Variants in TAS2R8 observed in about 807,000 individuals in gnomAD.
The protein encoded by TAS2R8 is taste receptor type 2 member 8.
For missense variants in TAS2R8, 396 were observed against 358.1 expected, an observed-to-expected ratio of 1.11 and a Z score of -0.85; for synonymous variants, 139 against 123.9, an observed-to-expected ratio of 1.12 and a Z score of -0.81.
chr12:10,806,501 T>G lies in TAS2R8; in HGVS notation c.480A>C (p.Ala160=). 6.2e-7 allele frequency: 1 copy of G among 1,613,822 alleles called. No individual in the cohort carries two copies. Among genetic ancestry groups the G allele is most frequent in the Non-Finnish European group, 8.5e-7 (1 of 1,179,872 alleles). ...TAATGTTTCTTTTATGTTTGGCAAT[T>G]GCATGAAACCTATAATCACAACTCA... ...IVLSCDYRFH[A]IAKHKRNITE... Residue 160 remains alanine (A), a synonymous_variant, in exon 1 of 1, where the codon GCA becomes GCC. Coordinates refer to ENST00000240615, the MANE Select transcript of TAS2R8 (RefSeq NM_023918.3).
chr12:10,806,076 C>CAT, the TAS2R8 span: 1 of 1,596,486 alleles, frequency 6.3e-7, no homozygotes. Context: ...AATTTTTCTA[C>CAT]ATGTCAGCAT....
rs1186191231 is a variant in TAS2R8, at chr12:10,806,291, A to G, written c.690T>C (p.His230=). 27 of 1,613,644 alleles carry G rather than the reference A, an allele frequency of 1.7e-5. No individual in the cohort carries two copies. Among genetic ancestry groups the G allele is most frequent in the Non-Finnish European group, 2.1e-5 (25 of 1,179,872 alleles). Residue 230 remains histidine (H), a synonymous_variant, in exon 1 of 1, where the codon CAT becomes CAC. Transcript: ENST00000240615. ...AAGTCATAGTTTTAATGGCTCTCAC[A>G]TGAACTTCTGTGCTGGGGTCTCTAC... ...TGSRDPSTEV[H]VRAIKTMTSF...
At position 10,806,189 on chromosome 12, in the gene TAS2R8, C is replaced by G. The variant is rs1054292291; in HGVS notation, c.792G>C (p.Lys264Asn). 1 of 1,613,382 alleles carries G rather than the reference C, an allele frequency of 6.2e-7. No homozygotes were observed. Among genetic ancestry groups the G allele is most frequent in the Non-Finnish European group, 8.5e-7 (1 of 1,179,810 alleles). ...MTFSYLMTKY[K>N]LAVEFGEIAA... Reference sequence around the variant, plus strand: ...CAATCTCTCCAAACTCCACAGCTAACTTGTATTTTGTCATAAGATAGCTAA... The same window carrying G: ...CAATCTCTCCAAACTCCACAGCTAAGTTGTATTTTGTCATAAGATAGCTAA... Residue 264 changes from lysine (K) to asparagine (N), a missense_variant, in exon 1 of 1, where the codon AAG becomes AAC. Transcript: ENST00000240615.
Position 10,806,352 on chromosome 12 carries a change from C to A in TAS2R8, c.629G>T (p.Arg210Ile), listed in dbSNP as rs769371530. 58 of 1,613,580 alleles carry A rather than the reference C, an allele frequency of 3.6e-5. No homozygotes were observed. Among genetic ancestry groups the A allele is most frequent in the Admixed American group, 2.2e-4 (13 of 59,918 alleles). Reference sequence around the variant, plus strand: ...ATAGAGTTTTATTTGCTTGGTATGTCTCCATAAAGATCTTACTAAAAGGAA... The same window carrying A: ...ATAGAGTTTTATTTGCTTGGTATGTATCCATAAAGATCTTACTAAAAGGAA... ...SFFLLVRSLW[R>I]HTKQIKLYAT... The change falls in exon 1 of 1, where the codon AGA becomes ATA. Residue 210 changes from arginine (R) to isoleucine (I), a missense_variant. Arg to Ile is a moderately conservative substitution (Grantham distance 97). Transcript: ENST00000240615.
In TAS2R8 at chr12:10,806,093, A is replaced by T. The variant is rs746033652; in HGVS notation, c.888T>A (p.Phe296Leu). 1.2e-6 allele frequency: 2 copies of T among 1,607,480 alleles called. No homozygotes were observed. The highest frequency in any genetic ancestry group is 1.7e-6 in the Non-Finnish European group (2 of 1,178,166). ...TTTTTCTACATGTCAGCATTCTGACAAATGTCTGCCTCAGTTTATTATTTA... is the reference window on the plus strand; with the variant it reads ...TTTTTCTACATGTCAGCATTCTGACTAATGTCTGCCTCAGTTTATTATTTA... ...IVLNNKLRQT[F>L]VRMLTCRKIA... Residue 296 changes from phenylalanine to leucine, a missense_variant, in exon 1 of 1, where the codon TTT (phenylalanine) becomes TTA (leucine). Phe to Leu is a conservative substitution (Grantham distance 22). Coordinates refer to ENST00000240615, the MANE Select transcript of TAS2R8 (RefSeq NM_023918.3).
At position 10,807,085 on chromosome 12, in the gene TAS2R8, GT is replaced by G; in HGVS notation, c.-106del. 1.1e-6 allele frequency: 1 copy of G among 908,118 alleles called. No individual in the cohort carries two copies. Among genetic ancestry groups the G allele is most frequent in the Non-Finnish European group, 1.7e-6 (1 of 602,436 alleles). 56.3% of individuals were successfully genotyped at this position (908,118 alleles called of 1,614,324 possible). On this transcript the variant is annotated 5_prime_UTR_variant, in exon 1 of 1. An upstream open reading frame in the 5' UTR loses its in-frame stop. Transcript: ENST00000240615. ...TCAATTCTTCGAATCATGCAATAAT[GT>G]TTTCATCTGCTGTTATTTCGACGTT...
Position 10,806,712 on chromosome 12 carries a change from G to T in TAS2R8, c.269C>A (p.Thr90Lys), listed in dbSNP as rs1286382927. Residue 90 changes from threonine to lysine, a missense_variant, in exon 1 of 1, where the codon ACA becomes AAA. Thr to Lys is a moderately conservative substitution (Grantham distance 78). Transcript: ENST00000240615. ...CCACATATTTAAGTAGTTGGCAAAT[G>T]TCCAGAAGGTAAAAATGACTATCTG... ...KQQIVIFTFWTFANYLNMWIT... is the reference protein window; with the variant it reads ...KQQIVIFTFWKFANYLNMWIT... 25 of 1,613,918 alleles carry T rather than the reference G, an allele frequency of 1.5e-5. 1 individual carries two copies. In the South Asian group the frequency reaches 2.7e-4, roughly 18 times the overall value.
rs757652273 is a variant in TAS2R8, at chr12:10,806,580, A to C, written c.401T>G (p.Leu134Arg). ...WKIDMVVHWI[L>R]LGCFAISLLV... Reference sequence around the variant, plus strand: ...CAAGGAAATGGCAAAGCATCCCAGCAGGATCCAGTGCACCACCATATCAAT... The same window carrying C: ...CAAGGAAATGGCAAAGCATCCCAGCCGGATCCAGTGCACCACCATATCAAT... Residue 134 changes from leucine to arginine, a missense_variant, in exon 1 of 1, where the codon CTG (leucine) becomes CGG (arginine). Transcript: ENST00000240615. 3.7e-6 allele frequency: 6 copies of C among 1,613,802 alleles called. No individual in the cohort carries two copies. In the African/African-American group the frequency reaches 8.0e-5, roughly 22 times the overall value.
In TAS2R8 at chr12:10,806,854, T is replaced by C. The variant is rs1444537107; in HGVS notation, c.127A>G (p.Thr43Ala). 1 of 1,613,754 alleles carries C rather than the reference T, an allele frequency of 6.2e-7. No individual in the cohort carries two copies. Among genetic ancestry groups the C allele is most frequent in the African/African-American group, 1.3e-5 (1 of 75,052 alleles). The change falls in exon 1 of 1, where the codon ACA becomes GCA. Residue 43 changes from threonine to alanine, a missense_variant. Coordinates refer to ENST00000240615, the MANE Select transcript of TAS2R8 (RefSeq NM_023918.3). ...IDWIKKKKIS[T>A]VDYILTNLVI... ...AAATTGGTAAGGATGTAGTCAACTG[T>C]GGAAATCTTTTTCTTCTTAATCCAG... is the stretch of plus-strand genomic sequence containing the variant.
chr12:10,806,807 C>T lies in TAS2R8; in HGVS notation c.174G>A (p.Leu58=). The T allele has an allele frequency of 6.2e-7, 1 of 1,613,850 alleles. No individual in the cohort carries two copies. Among genetic ancestry groups the T allele is most frequent in the South Asian group, 1.1e-5 (1 of 91,070 alleles). The change falls in exon 1 of 1, where the codon TTG becomes TTA. Residue 58 remains leucine (L), a synonymous_variant. Transcript: ENST00000240615. ...TGCCATTTACAACCATTACACTGAT[C>T]AAACAAATTCTGGCGATAACTAAAT... ...LTNLVIARIC[L]ISVMVVNGIV...
At position 10,806,893 on chromosome 12, in the gene TAS2R8, C is replaced by T. The variant is rs778956766; in HGVS notation, c.88G>A (p.Val30Ile). 16 of 1,613,036 alleles carry T rather than the reference C, an allele frequency of 9.9e-6. No homozygotes were observed. The highest frequency in any genetic ancestry group is 1.3e-5 in the African/African-American group (1 of 74,898). ...TTCTTAATCCAGTCAATCCAGTTGA[C>T]TAGTGCAATGTATCCATTCCCCAAT... The part of the protein sequence containing the change: ...GILGNGYIAL[V>I]NWIDWIKKKK... The change falls in exon 1 of 1, where the codon GTC becomes ATC. Residue 30 changes from valine (V) to isoleucine (I), a missense_variant. By Grantham distance (29) the Val-to-Ile change is conservative. Transcript: ENST00000240615.
rs764796206 is a variant in TAS2R8, at chr12:10,806,584, T to C, written c.397A>G (p.Ile133Val). Residue 133 changes from isoleucine to valine, a missense_variant, in exon 1 of 1, where the codon ATC (isoleucine) becomes GTC (valine). Transcript: ENST00000240615. ...KWKIDMVVHWILLGCFAISLL... is the reference protein window; with the variant it reads ...KWKIDMVVHWVLLGCFAISLL... ...GAAATGGCAAAGCATCCCAGCAGGA[T>C]CCAGTGCACCACCATATCAATTTTC... The C allele has an allele frequency of 6.2e-7, 1 of 1,613,784 alleles. No homozygotes were observed. Among genetic ancestry groups the C allele is most frequent in the Non-Finnish European group, 8.5e-7 (1 of 1,179,922 alleles).
Position 10,807,148 on chromosome 12 carries a change from T to C in TAS2R8, c.-168A>G, listed in dbSNP as rs748341455. 22 of 613,120 alleles carry C rather than the reference T, an allele frequency of 3.6e-5. No homozygotes were observed. Among genetic ancestry groups the C allele is most frequent in the African/African-American group, 7.4e-5 (4 of 53,804 alleles). 38.0% of individuals were successfully genotyped at this position (613,120 alleles called of 1,614,324 possible). ...GGAAGTGTTCAGCTCTCCTCTGAAA[T>C]AGGATTGTCTCTACACTCCTGAAGA... On this transcript the variant is annotated 5_prime_UTR_variant, in exon 1 of 1. Transcript: ENST00000240615.
chr12:10,806,247 A>C lies in TAS2R8; in HGVS notation c.734T>G (p.Phe245Cys). Residue 245 changes from phenylalanine to cysteine, a missense_variant, in exon 1 of 1, where the codon TTC becomes TGC. Coordinates refer to ENST00000240615, the MANE Select transcript of TAS2R8 (RefSeq NM_023918.3). ...CAAAATAGAAGAAATATAGTATAGG[A>C]AAAAAAAGAAGATAAATGAAGTCAT... is the stretch of plus-strand genomic sequence containing the variant. The part of the protein sequence containing the change: ...KTMTSFIFFF[F>C]LYYISSILMT... 6.2e-7 allele frequency: 1 copy of C among 1,608,588 alleles called. No individual in the cohort carries two copies.
In TAS2R8 at chr12:10,806,367, A is replaced by G; in HGVS notation, c.614T>C (p.Val205Ala). 6.2e-7 allele frequency: 1 copy of G among 1,613,832 alleles called. No individual in the cohort carries two copies. Among genetic ancestry groups the G allele is most frequent in the East Asian group, 2.2e-5 (1 of 44,860 alleles). Residue 205 changes from valine (V) to alanine (A), a missense_variant, in exon 1 of 1, where the codon GTA (valine) becomes GCA (alanine). Physicochemically the swap from Val to Ala is moderately conservative, Grantham distance 64. Coordinates refer to ENST00000240615, the MANE Select transcript of TAS2R8 (RefSeq NM_023918.3). ...CTTGGTATGTCTCCATAAAGATCTT[A>G]CTAAAAGGAAAAATGATATCAGTGA... is the stretch of plus-strand genomic sequence containing the variant. ...IVSLISFFLL[V>A]RSLWRHTKQI... is the part of the protein sequence containing the mutation.
chr12:10,806,068 T>C lies in TAS2R8; in HGVS notation c.913A>G (p.Ile305Val). 4 of 1,593,138 alleles carry C rather than the reference T, an allele frequency of 2.5e-6. No individual in the cohort carries two copies. The highest frequency in any genetic ancestry group is 3.4e-6 in the Non-Finnish European group (4 of 1,172,844). ...TFVRMLTCRKIACMI is the reference protein window; with the variant it reads ...TFVRMLTCRKVACMI ...CTAAGATTTCATATCATGCAGGCAA[T>C]TTTTCTACATGTCAGCATTCTGACA... Residue 305 changes from isoleucine to valine, a missense_variant, in exon 1 of 1, where the codon ATT (isoleucine) becomes GTT (valine). Coordinates refer to ENST00000240615, the MANE Select transcript of TAS2R8 (RefSeq NM_023918.3).
In TAS2R8 at chr12:10,807,133, A is replaced by G. The variant is rs1948732705; in HGVS notation, c.-153T>C. ...CGTTGTTATTCTTCCGGAAGTGTTC[A>G]GCTCTCCTCTGAAATAGGATTGTCT... On this transcript the variant is annotated 5_prime_UTR_variant, in exon 1 of 1. Transcript: ENST00000240615. The G allele has an allele frequency of 3.0e-6, 2 of 659,160 alleles. No individual in the cohort carries two copies. Among genetic ancestry groups the G allele is most frequent in the South Asian group, 4.2e-5 (2 of 47,400 alleles). The allele number at this position is 659,160 out of a possible 1,614,324, so 40.8% of individuals were successfully genotyped here. A position where few individuals can be genotyped will look rare whatever the true frequency, so the allele number is the denominator to read the frequency against.
Position 10,806,902 on chromosome 12 carries a change from T to A in TAS2R8, c.79A>T (p.Ile27Phe), listed in dbSNP as rs1480911210. The part of the protein sequence containing the change: ...FILGILGNGY[I>F]ALVNWIDWIK... ...CAGTCAATCCAGTTGACTAGTGCAA[T>A]GTATCCATTCCCCAATATTCCTAGT... Residue 27 changes from isoleucine (I) to phenylalanine (F), a missense_variant, in exon 1 of 1, where the codon ATT (isoleucine) becomes TTT (phenylalanine). Ile to Phe is a conservative substitution (Grantham distance 21, BLOSUM62 0). Transcript: ENST00000240615. The A allele has an allele frequency of 3.1e-6, 5 of 1,612,866 alleles. No homozygotes were observed. Among genetic ancestry groups the A allele is most frequent in the Non-Finnish European group, 4.2e-6 (5 of 1,179,784 alleles).
chr12:10,806,632 G>A lies in TAS2R8; in HGVS notation c.349C>T (p.Pro117Ser), dbSNP rs1948726800. Reference protein sequence around the residue: ...YFLKIASSSHPLFLWLKWKID... With the variant: ...YFLKIASSSHSLFLWLKWKID... Reference sequence around the variant, plus strand: ...TTCCACTTCAGCCAGAGAAAAAGTGGATGAGAGGAACTGGCTATCTTCAGA... The same window carrying A: ...TTCCACTTCAGCCAGAGAAAAAGTGAATGAGAGGAACTGGCTATCTTCAGA... The change falls in exon 1 of 1, where the codon CCA becomes TCA. Residue 117 changes from proline (P) to serine (S), a missense_variant. Physicochemically the swap from Pro to Ser is moderately conservative, Grantham distance 74. Coordinates refer to ENST00000240615, the MANE Select transcript of TAS2R8 (RefSeq NM_023918.3). 1 of 1,613,824 alleles carries A rather than the reference G, an allele frequency of 6.2e-7. No individual in the cohort carries two copies.
Sources: allele counts gnomAD v4.1 joint callset, GRCh38; gene constraint gnomAD v4.1.1; transcripts MANE v1.5; gene names NCBI Gene and HGNC (gene_info 2026-07-23, HGNC 2026-07-21).